PSMF1: variants seen among roughly 807,000 people sequenced by gnomAD.
PSMF1 encodes the protein proteasome inhibitor subunit 1.
In PSMF1, 30 loss-of-function variants were observed where a neutral mutation model predicts 29.3. That is an observed-to-expected ratio of 1.02 (90% CI 0.77 to 1.39). The LOEUF is 1.39. PSMF1 is among the 40% of genes most tolerant of loss of function. PSMF1 has a pLI of 0.00. For missense variants in PSMF1, 344 were observed against 357.5 expected (o/e 0.96, Z 0.31); for synonymous variants, 134 against 139.7 (o/e 0.96, Z 0.29).
chr20:1,163,278 C>G lies in PSMF1; in HGVS notation c.605+95C>G. On this transcript the variant is annotated intron_variant, in intron 5 of 6. Transcript: ENST00000335877. This position sits in a 1 kb window ranked among gnomAD's most constrained non-coding sequence, Gnocchi z 6.1. ...TAATTTTAGAGTTTTCGGTCAGTCT[C>G]TTCCTTTGGGGTGGAGGAGGCAGTT... 1.4e-6 allele frequency: 2 copies of G among 1,412,590 alleles called. No homozygotes were observed. Among genetic ancestry groups the G allele is most frequent in the Non-Finnish European group, 2.0e-6 (2 of 1,014,980 alleles). The allele number at this position is 1,412,590 out of a possible 1,614,324, so 87.5% of individuals were successfully genotyped here.
intron 3 of PSMF1, among the ~76,000 whole-genome samples, chr20:1,133,934 T>C (rs1574747): frequency 6.6e-6 from 1 of 152,104 alleles, no homozygotes; most frequent in African/African-American, 2.4e-5. Flanking sequence ...ATCCTTTCAG[T>C]GGCTACAGAT....
chr20:1,146,348 G>C (rs2086450044), intron 4 of PSMF1, among the ~76,000 whole-genome samples: 1 of 152,068 alleles, frequency 6.6e-6, no homozygotes. Context: ...TAGGTTAGAG[G>C]CATCAAGGTC....
upstream of PSMF1, chr20:1,117,850 A>T (rs963682156): frequency 6.6e-6 from 1 of 152,236 alleles, no homozygotes; most frequent in Non-Finnish European, 1.5e-5. Flanking sequence ...AAACTTGTTG[A>T]AGTAACGGGT....
upstream of PSMF1, chr20:1,118,529 C>A (rs766491580): frequency 2.6e-5 from 10 of 386,368 alleles, no homozygotes; most frequent in Non-Finnish European, 4.2e-5. Flanking sequence ...CCTGGCGGAA[C>A]CTTTCAGTGC....
intron 4 of PSMF1, among the ~76,000 whole-genome samples, chr20:1,136,732 G>GT (rs1357146973): frequency 6.6e-6 from 1 of 152,236 alleles, no homozygotes; most frequent in African/African-American, 2.4e-5. Context: ...GACAAAGGCT[G>GT]TTGTATATAG....
Position 1,155,438 on chromosome 20 carries a change from C to T in PSMF1, c.552-7692C>T, listed in dbSNP as rs149415998. Among the ~76,000 whole-genome samples, 175 of 152,310 alleles carry T rather than the reference C, an allele frequency of 1.1e-3. 1 individual carries two copies. Among genetic ancestry groups the T allele is most frequent in the African/African-American group, 4.1e-3 (170 of 41,562 alleles). On this transcript the variant is annotated intron_variant, in intron 4 of 6. Coordinates refer to ENST00000335877, the MANE Select transcript of PSMF1 (RefSeq NM_006814.5). ...GTTGCTTTTTTCTTCCCTTTGTCCT[C>T]CCTCCACTTGATGTTGGACACAGGC...
chr20:1,133,984 CTG>C (rs1180116000), intron 3 of PSMF1, among the ~76,000 whole-genome samples: 10 of 55,408 alleles, frequency 1.8e-4, no homozygotes, highest in Admixed American at 1.1e-3. Context: ...TTATTGGTGA[CTG>C]TGTCCTCTCT....
chr20:1,171,231 G>T lies in PSMF1; in HGVS notation c.*6151G>T, dbSNP rs560032285. Among the ~76,000 whole-genome samples the T allele has an allele frequency of 6.6e-6, 1 of 152,164 alleles. No individual in the cohort carries two copies. The highest frequency in any genetic ancestry group is 1.5e-5 in the Non-Finnish European group (1 of 68,032). ...TCCACCTGCAGCCACAGTGCCCAGA[G>T]CACCTGGTTAGGAGGAGCATCTGAA... is the stretch of plus-strand genomic sequence containing the variant. On this transcript the variant is annotated 3_prime_UTR_variant, in exon 7 of 7. Coordinates refer to ENST00000335877, the MANE Select transcript of PSMF1 (RefSeq NM_006814.5).
intron 4 of PSMF1, among the ~76,000 whole-genome samples, chr20:1,153,639 G>A (rs1353962672): frequency 2.0e-5 from 3 of 152,090 alleles, no homozygotes; most frequent in Non-Finnish European, 4.4e-5. Flanking sequence ...AGAGGGGATC[G>A]AATTCCATCT....
intron 4 of PSMF1, among the ~76,000 whole-genome samples, chr20:1,149,045 T>TTC (rs1157196170): frequency 1.3e-5 from 2 of 152,238 alleles, no homozygotes; most frequent in African/African-American, 4.8e-5. Flanking sequence ...GTAACATTCT[T>TTC]TTACATTTTG....
chr20:1,134,584 C>G (rs1036942547), intron 3 of PSMF1, among the ~76,000 whole-genome samples: 3 of 152,172 alleles, frequency 2.0e-5, no homozygotes, highest in African/African-American at 7.2e-5. Context: ...GCTCACGTCA[C>G]TTGTCTCTCA....
intron 1 of PSMF1, among the ~76,000 whole-genome samples, chr20:1,121,030 G>A (rs542744350): frequency 1.3e-4 from 20 of 152,138 alleles, no homozygotes; most frequent in Non-Finnish European, 8.8e-5. Flanking sequence ...GTTCACATAA[G>A]TCGATACCTT....
intron 3 of PSMF1, among the ~76,000 whole-genome samples, chr20:1,128,346 T>TAATC (rs967184284): frequency 1.3e-5 from 2 of 152,222 alleles, no homozygotes; most frequent in African/African-American, 4.8e-5. Context: ...TACAGGATTC[T>TAATC]TTTTCTCTTA....
chr20:1,144,427 A>G (rs1600159286), intron 4 of PSMF1, among the ~76,000 whole-genome samples: 1 of 152,346 alleles, frequency 6.6e-6, no homozygotes, highest in South Asian at 2.1e-4. Context: ...ACTCCTGAAC[A>G]TTTATCTCAG....
intron 1 of PSMF1, among the ~76,000 whole-genome samples, chr20:1,119,420 G>A (rs1246334075): frequency 2.6e-5 from 4 of 152,100 alleles, no homozygotes; most frequent in African/African-American, 9.7e-5. Flanking sequence ...TCACCCGTTA[G>A]CATGGGCCCA....
At position 1,135,235 on chromosome 20, in the gene PSMF1, T is replaced by G. The variant is rs1186437223; in HGVS notation, c.480T>G (p.Pro160=). ...NVSSPHREFP[P]ATAREVDPLR... Reference sequence around the variant, plus strand: ...GCAGTCCCCACCGGGAGTTCCCCCCTGCTACCGCCAGAGAGGTGGACCCAC... The same window carrying G: ...GCAGTCCCCACCGGGAGTTCCCCCCGGCTACCGCCAGAGAGGTGGACCCAC... The change falls in exon 4 of 7, where the codon CCT becomes CCG. Residue 160 remains proline, a synonymous_variant. Transcript: ENST00000335877. 1 of 1,614,032 alleles carries G rather than the reference T, an allele frequency of 6.2e-7. No individual in the cohort carries two copies. Among genetic ancestry groups the G allele is most frequent in the Admixed American group, 1.7e-5 (1 of 60,018 alleles).
chr20:1,118,765 C>G lies in PSMF1; in HGVS notation c.-9C>G, dbSNP rs757640425. 3.1e-6 allele frequency: 5 copies of G among 1,609,492 alleles called. No individual in the cohort carries two copies. Among genetic ancestry groups the G allele is most frequent in the Non-Finnish European group, 3.4e-6 (4 of 1,177,144 alleles). On this transcript the variant is annotated 5_prime_UTR_variant, in exon 1 of 7. Transcript: ENST00000335877. ...TTCTTTCCTCCAGACGCCGAAGTCG[C>G]GGGCGCTCATGGCGGGCCTGGAGGT... is the stretch of plus-strand genomic sequence containing the variant.
chr20:1,127,666 G>A (rs1447601909), intron 3 of PSMF1, among the ~76,000 whole-genome samples, 158 bp downstream of exon 3: 1 of 152,146 alleles, frequency 6.6e-6, no homozygotes, highest in Admixed American at 6.5e-5. Context: ...TGTTTTTTAT[G>A]TATTTGAAGA....
chr20:1,129,171 A>G (rs558515472), intron 3 of PSMF1, among the ~76,000 whole-genome samples: 1 of 151,902 alleles, frequency 6.6e-6, no homozygotes, highest in African/African-American at 2.4e-5. Flanking sequence ...GAGCCACTGC[A>G]CCCAGCCAAT....
Sources: gnomAD v4.1 joint callset for allele counts (sites outside exome capture counted in the v4.1 genomes callset) on GRCh38, gnomAD v4.1.1 for gene constraint, Gnocchi (gnomAD v3.1) non-coding constraint, MANE v1.5 for transcripts, NCBI Gene and HGNC (gene_info 2026-07-23, HGNC 2026-07-21) for gene names.